The following EIPR1 variants were observed in gnomAD, a reference collection of about 807,000 sequenced individuals.
The protein encoded by EIPR1 is EARP complex and GARP complex interacting protein 1, also known as EARP and GARP complex-interacting protein 1.
EIPR1 carries 25 observed loss-of-function variants against 48.1 expected under a neutral mutation model. That is an observed-to-expected ratio of 0.52 (90% CI 0.38 to 0.73). The LOEUF is 0.73. EIPR1 is among the 30% of genes least tolerant of loss of function. The pLI is 0.00. For missense variants in EIPR1, 415 were observed against 506.2 expected (o/e 0.82, Z 1.73); for synonymous variants, 204 against 201.9 (o/e 1.01, Z -0.09).
intron 4 of EIPR1, among the ~76,000 whole-genome samples, chr2:3,243,680 A>G (rs1178425118): frequency 1.3e-5 from 2 of 152,218 alleles, no homozygotes. Flanking sequence ...TTAAAAATTT[A>G]AAAAGAATTC....
At chr2:3,234,903 C>G (rs116210702) in intron 4 of EIPR1, among the ~76,000 whole-genome samples, 7 of 152,338 alleles carry the variant, frequency 4.6e-5, no homozygotes, top group African/African-American at 1.7e-4. Flanking sequence ...TTTAGCTAAC[C>G]AGCTGGTCCC....
chr2:3,251,649 A>T (rs1167817267), intron 4 of EIPR1, among the ~76,000 whole-genome samples: 1 of 152,202 alleles, frequency 6.6e-6, no homozygotes, highest in Admixed American at 6.5e-5. Flanking sequence ...AGCAAACCAG[A>T]GGTAGAGAGG....
intron 2 of EIPR1, among the ~76,000 whole-genome samples, chr2:3,343,360 C>T (rs1433695653): frequency 1.3e-5 from 2 of 152,230 alleles, no homozygotes; most frequent in Non-Finnish European, 2.9e-5. Context: ...GCTCCGAAAA[C>T]AAGCAATGCG....
chr2:3,207,546 G>C (rs1009922080), intron 5 of EIPR1, among the ~76,000 whole-genome samples: 1 of 152,222 alleles, frequency 6.6e-6, no homozygotes, highest in African/African-American at 2.4e-5. Flanking sequence ...GGCCACCAAA[G>C]CTCCAGCAGC....
chr2:3,334,273 T>A (rs1669980654), intron 3 of EIPR1, among the ~76,000 whole-genome samples: 2 of 152,246 alleles, frequency 1.3e-5, no homozygotes, highest in South Asian at 4.1e-4. Flanking sequence ...AAGAGATTTG[T>A]TATAACGAAG....
At chr2:3,269,677 G>GCAATCATCGCACTCAATCATCACACT (rs1282243509) in intron 3 of EIPR1, among the ~76,000 whole-genome samples, 1 of 94,284 alleles carries the variant, frequency 1.1e-5, no homozygotes, top group African/African-American at 4.2e-5. Flanking sequence ...CTCAATCATC[G>GCAATCATCGCACTCAATCATCACACT]CAATCATCGC....
At chr2:3,333,066 C>G (rs1391737564) in intron 3 of EIPR1, among the ~76,000 whole-genome samples, 1 of 152,226 alleles carries the variant, frequency 6.6e-6, no homozygotes, top group Admixed American at 6.5e-5. Flanking sequence ...GGCGCCAGAT[C>G]CTTCAGCTGT....
chr2:3,213,513 A>T (rs1298258516), intron 5 of EIPR1, among the ~76,000 whole-genome samples: 1 of 152,230 alleles, frequency 6.6e-6, no homozygotes, highest in Non-Finnish European at 1.5e-5. Flanking sequence ...AAATTTTATA[A>T]TTGCTCCTAC....
intron 3 of EIPR1, 98 bp from the exon 4 acceptor site, chr2:3,257,553 C>T (rs950296744): frequency 2.3e-5 from 32 of 1,413,462 alleles, no homozygotes; most frequent in Non-Finnish European, 2.9e-5. Context: ...ATAAGCAGCG[C>T]GCATCTGCTC....
At chr2:3,249,860 G>C (rs978378419) in intron 4 of EIPR1, among the ~76,000 whole-genome samples, 14 of 152,228 alleles carry the variant, frequency 9.2e-5, no homozygotes, top group Non-Finnish European at 2.1e-4. Context: ...AGTTCCGGCA[G>C]GTGCAAGCTA....
At chr2:3,374,624 A>C (rs1212281571) in intron 1 of EIPR1, among the ~76,000 whole-genome samples, 1 of 152,114 alleles carries the variant, frequency 6.6e-6, no homozygotes, top group Non-Finnish European at 1.5e-5. Context: ...AAGACACATG[A>C]AAAAATGCTC....
intron 3 of EIPR1, among the ~76,000 whole-genome samples, chr2:3,279,199 C>CACT (rs2103257096): frequency 6.6e-6 from 1 of 152,284 alleles, no homozygotes; most frequent in South Asian, 2.1e-4. Context: ...TAACACCCCT[C>CACT]ACTCCAAAAA....
chr2:3,296,007 T>TACACAC (rs1668571101), intron 3 of EIPR1, among the ~76,000 whole-genome samples: 1 of 56,274 alleles, frequency 1.8e-5, no homozygotes, highest in Non-Finnish European at 3.4e-5. Flanking sequence ...ATCCTCTCTC[T>TACACAC]ACACACCCTC....
intron 2 of EIPR1, among the ~76,000 whole-genome samples, chr2:3,344,448 G>C (rs1191967521): frequency 6.6e-6 from 1 of 152,132 alleles, no homozygotes; most frequent in Non-Finnish European, 1.5e-5. Flanking sequence ...ACATGAACGT[G>C]ACCTGCCAAT....
At chr2:3,210,653 C>T (rs1179920589) in intron 5 of EIPR1, among the ~76,000 whole-genome samples, 5 of 97,400 alleles carry the variant, frequency 5.1e-5, no homozygotes, top group Admixed American at 1.4e-4. Context: ...TTTTTTGAGA[C>T]GGAGTCTCGC....
chr2:3,341,836 A>G (rs1254380231), intron 2 of EIPR1, among the ~76,000 whole-genome samples: 2 of 152,166 alleles, frequency 1.3e-5, no homozygotes, highest in African/African-American at 4.8e-5. Flanking sequence ...AGTTATAGTT[A>G]TATCTTACAG....
intron 3 of EIPR1, among the ~76,000 whole-genome samples, chr2:3,317,217 G>A (rs548623462): frequency 6.6e-6 from 1 of 151,794 alleles, no homozygotes; most frequent in African/African-American, 2.4e-5. Flanking sequence ...AGAGACCCAG[G>A]AGCACATGAG....
In EIPR1 at chr2:3,319,645, C is replaced by T. The variant is rs553701542; in HGVS notation, c.259+18372G>A. 11 of 171,726 alleles carry T rather than the reference C, an allele frequency of 6.4e-5. No homozygotes were observed. In the South Asian group the frequency reaches 6.5e-4, roughly 10 times the overall value. 10.6% of individuals were successfully genotyped at this position (171,726 alleles called of 1,614,324 possible). A position where few individuals can be genotyped will look rare whatever the true frequency, so the allele number is the denominator to read the frequency against. ...TCGAGGCTGTTCTGTCCACCACGCC[C>T]GGTGTGCTCTTCCTCCCTCCAGCAA... On this transcript the variant is annotated intron_variant, in intron 3 of 8. Coordinates refer to ENST00000382125, the MANE Select transcript of EIPR1 (RefSeq NM_003310.5).
At chr2:3,264,866 T>C (rs1667439490) in intron 3 of EIPR1, among the ~76,000 whole-genome samples, 1 of 152,122 alleles carries the variant, frequency 6.6e-6, no homozygotes, top group South Asian at 2.1e-4. Flanking sequence ...TTTGTATTTT[T>C]AGTAGAGACG....
Sources: allele counts gnomAD v4.1 joint callset (sites outside exome capture counted in the v4.1 genomes callset), GRCh38; gene constraint gnomAD v4.1.1; transcripts MANE v1.5; gene names NCBI Gene and HGNC (gene_info 2026-07-23, HGNC 2026-07-21).